WRN: variants seen among roughly 807,000 people sequenced by gnomAD.
The protein encoded by WRN is bifunctional 3'-5' exonuclease/ATP-dependent helicase WRN.
In WRN, 149 loss-of-function variants were observed where a neutral mutation model predicts 180.7. The observed-to-expected ratio is 0.82, with a 90% CI of 0.72 to 0.94. The LOEUF (loss-of-function observed/expected upper bound fraction) is 0.94. WRN is among the 40% of genes least tolerant of loss of function. The probability of loss-of-function intolerance (pLI) is 0.00; values close to 1 mark genes in which losing one functional copy is unlikely to be tolerated. For synonymous variants in WRN, 548 were observed against 568.9 expected, an observed-to-expected ratio of 0.96 and a Z score of 0.52; for missense variants, 1,661 against 1,700.1, an observed-to-expected ratio of 0.98 and a Z score of 0.40.
intron 31 of WRN, among the ~76,000 whole-genome samples, chr8:31,151,545 T>C (rs1235969975): frequency 6.6e-6 from 1 of 152,232 alleles, no homozygotes; most frequent in Non-Finnish European, 1.5e-5. Context: ...TTATAATGTC[T>C]TAATAGTTTG....
rs574498149 is a variant in WRN, at chr8:31,065,607, T to C, written c.504+544T>C. Among the ~76,000 whole-genome samples, 115 of 152,006 alleles carry C rather than the reference T, an allele frequency of 7.6e-4. 2 individuals are homozygous for C. In the South Asian group the frequency reaches 0.024, roughly 32 times the overall value. ...TGGCTGCATAGTATTCCATGGTGTA[T>C]ATGTACCACATTTTTTTTAATGCAG... On this transcript the variant is annotated intron_variant, in intron 5 of 34. Coordinates refer to ENST00000298139, the MANE Select transcript of WRN (RefSeq NM_000553.6).
At chr8:31,044,134 C>T (rs986416338) in intron 1 of WRN, among the ~76,000 whole-genome samples, 29 of 151,876 alleles carry the variant, frequency 1.9e-4, no homozygotes, top group African/African-American at 7.0e-4. Flanking sequence ...CTCCGCCTCC[C>T]AGGTTCACGC....
intron 21 of WRN, among the ~76,000 whole-genome samples, chr8:31,122,589 G>C (rs1317804118): frequency 2.0e-5 from 3 of 151,756 alleles, no homozygotes; most frequent in Admixed American, 6.6e-5. Context: ...GAGTAATCTC[G>C]GTCCGGTAGA....
In WRN at chr8:31,080,933, T is replaced by A; in HGVS notation, c.906T>A (p.Ser302=). 6.2e-7 allele frequency: 1 copy of A among 1,613,644 alleles called. No individual in the cohort carries two copies. The highest frequency in any genetic ancestry group is 1.3e-5 in the African/African-American group (1 of 74,994). ...CACTGAGGAGGATGATAATTGGGTCTACTAACATTGAGACTGAACTGAGGC... is the reference window on the plus strand; with the variant it reads ...CACTGAGGAGGATGATAATTGGGTCAACTAACATTGAGACTGAACTGAGGC... The part of the protein sequence containing the change: ...LYSLRRMIIG[S]TNIETELRPS... Residue 302 remains serine, a synonymous_variant, in exon 9 of 35, where the codon TCT becomes TCA. Transcript: ENST00000298139.
chr8:31,076,465 A>G (rs945489987), intron 8 of WRN, among the ~76,000 whole-genome samples, 178 bp downstream of exon 8: 1 of 152,196 alleles, frequency 6.6e-6, no homozygotes, highest in Non-Finnish European at 1.5e-5. Flanking sequence ...TGAATAGTGA[A>G]TCCAAAGGTT....
intron 24 of WRN, among the ~76,000 whole-genome samples, chr8:31,138,102 C>CAA (rs1206738860): frequency 7.0e-6 from 1 of 143,580 alleles, no homozygotes; most frequent in Non-Finnish European, 1.5e-5. Context: ...ACCCTGTCTC[C>CAA]AAAAAAAAAA....
intron 34 of WRN, among the ~76,000 whole-genome samples, chr8:31,168,212 A>T (rs114370397): frequency 0.012 from 1,763 of 152,240 alleles, 24 homozygotes; most frequent in African/African-American, 0.04. Context: ...TTATAACTGA[A>T]CTAGCTATAA....
chr8:31,159,633 T>A (rs1803529237), intron 33 of WRN, among the ~76,000 whole-genome samples: 1 of 151,470 alleles, frequency 6.6e-6, no homozygotes, highest in Non-Finnish European at 1.5e-5. Flanking sequence ...CCCCAAAAAA[T>A]TATATCTATT....
Position 31,080,969 on chromosome 8 carries a change from T to C in WRN, c.942T>C (p.Asn314=), listed in dbSNP as rs757672816. 4 of 1,613,964 alleles carry C rather than the reference T, an allele frequency of 2.5e-6. No homozygotes were observed. In the South Asian group the frequency reaches 4.4e-5, roughly 18 times the overall value. Residue 314 remains asparagine, a synonymous_variant, in exon 9 of 35, where the codon AAT becomes AAC. Transcript: ENST00000298139. ...NIETELRPSN[N]LNLLSFEDST... is the part of the protein sequence containing the mutation. ...AGACTGAACTGAGGCCCAGCAATAA[T>C]TTAAACTTATTATCCTTTGAAGATT...
intron 24 of WRN, among the ~76,000 whole-genome samples, chr8:31,136,141 AG>A (rs1158369973): frequency 1.3e-5 from 2 of 152,200 alleles, no homozygotes; most frequent in East Asian, 3.9e-4. Flanking sequence ...GTGGCACTAC[AG>A]GTGCATGCCA....
At chr8:31,078,587 T>C (rs1038539245) in intron 8 of WRN, among the ~76,000 whole-genome samples, 3 of 152,164 alleles carry the variant, frequency 2.0e-5, no homozygotes, top group African/African-American at 4.8e-5. Context: ...AACTAAGAAC[T>C]CTTAAAATAG....
chr8:31,127,749 CAAAAATA>C (rs1420446209), intron 23 of WRN, among the ~76,000 whole-genome samples: 2 of 151,602 alleles, frequency 1.3e-5, no homozygotes, highest in African/African-American at 4.9e-5. Flanking sequence ...TGTGTCTCTA[CAAAAATA>C]AAAAATAAAT....
intron 1 of WRN, among the ~76,000 whole-genome samples, chr8:31,035,835 A>C (rs1035468305): frequency 6.6e-6 from 1 of 152,136 alleles, no homozygotes; most frequent in African/African-American, 2.4e-5. Flanking sequence ...CCTTTATCAC[A>C]ATTACCTTTA....
chr8:31,091,909 T>G lies in WRN; in HGVS notation c.1898+11T>G, dbSNP rs762760846. 4 of 1,612,448 alleles carry G rather than the reference T, an allele frequency of 2.5e-6. No homozygotes were observed. In the South Asian group the frequency reaches 4.4e-5, roughly 18 times the overall value. Reference sequence around the variant, plus strand: ...AACAGATATTAAATTGTGAGTAATTTTTTTCCCTCAACTTTTATTTTGGAT... The same window carrying G: ...AACAGATATTAAATTGTGAGTAATTGTTTTCCCTCAACTTTTATTTTGGAT... On this transcript the variant is annotated intron_variant, in intron 16 of 34. Coordinates refer to ENST00000298139, the MANE Select transcript of WRN (RefSeq NM_000553.6).
chr8:31,039,502 A>G (rs148825528), intron 1 of WRN, among the ~76,000 whole-genome samples: 1 of 152,044 alleles, frequency 6.6e-6, no homozygotes, highest in East Asian at 1.9e-4. Flanking sequence ...GTATATAGAG[A>G]TAGTTTTACT....
chr8:31,094,019 C>T (rs1172137559), intron 16 of WRN, among the ~76,000 whole-genome samples: 1 of 152,136 alleles, frequency 6.6e-6, no homozygotes, highest in Non-Finnish European at 1.5e-5. Context: ...ACATTTGGAT[C>T]GTTTCCAGTT....
chr8:31,095,743 A>G (rs1423052324), intron 16 of WRN, among the ~76,000 whole-genome samples: 2 of 152,110 alleles, frequency 1.3e-5, no homozygotes, highest in Non-Finnish European at 2.9e-5. Flanking sequence ...CTGTGGATCT[A>G]TTTGTCTGTC....
chr8:31,168,329 T>C (rs530113123), intron 34 of WRN, among the ~76,000 whole-genome samples: 113 of 152,302 alleles, frequency 7.4e-4, no homozygotes, highest in Non-Finnish European at 1.3e-3. Flanking sequence ...GACCCTCTTA[T>C]TGTTTCCCAG....
chr8:31,091,783 T>C (rs979564186), intron 15 of WRN, 47 bp from the exon 16 acceptor site: 1 of 1,443,212 alleles, frequency 6.9e-7, no homozygotes, highest in Non-Finnish European at 9.8e-7. Flanking sequence ...GAAATTGATA[T>C]GTGTAATGTG....
Sources: allele counts gnomAD v4.1 joint callset (sites outside exome capture counted in the v4.1 genomes callset), GRCh38; gene constraint gnomAD v4.1.1; transcripts MANE v1.5; gene names NCBI Gene and HGNC (gene_info 2026-07-23, HGNC 2026-07-21).